The following LUC7L3 variants were observed in gnomAD, a reference collection of about 807,000 sequenced individuals.
LUC7L3 encodes the protein LUC7 like 3 pre-mRNA splicing factor.
In LUC7L3, 6 loss-of-function variants were observed where a neutral mutation model predicts 66.8. That is an observed-to-expected ratio of 0.09 (90% confidence interval 0.05 to 0.18). The LOEUF (loss-of-function observed/expected upper bound fraction) is 0.18. LUC7L3 is among the 10% of genes least tolerant of loss of function. The pLI, the probability that LUC7L3 is intolerant of heterozygous loss-of-function variation, is 1.00. For synonymous variants in LUC7L3, 160 were observed against 174.7 expected (o/e 0.92, Z 0.66); for missense variants, 341 against 531.1 (o/e 0.64, Z 3.52).
Position 50,752,470 on chromosome 17 carries a change from CAT to C in LUC7L3, c.*1810_*1811del. The C allele has an allele frequency of 5.4e-6, 1 of 185,496 alleles. No individual in the cohort carries two copies. Among genetic ancestry groups the C allele is most frequent in the Non-Finnish European group, 1.1e-5 (1 of 88,468 alleles). The allele number at this position is 185,496 out of a possible 1,614,324, so 11.5% of individuals were successfully genotyped here. On this transcript the variant is annotated 3_prime_UTR_variant, in exon 10 of 10. Coordinates refer to ENST00000505658, the MANE Select transcript of LUC7L3 (RefSeq NM_016424.5). The stretch of plus-strand genomic sequence containing the variant: ...GACTTTTTAAGAAATATTACTTAAA[CAT>C]GTGGCTTGCTCAGTGTTTAATTGCA...
rs184753806 is a variant in LUC7L3 at position 50,724,161 on chromosome 17, G to C, written c.99+4330G>C. The C allele has an allele frequency of 7.6e-4, 201 of 264,230 alleles. 2 individuals are homozygous for C. The highest frequency in any genetic ancestry group is 1.8e-4 in the Non-Finnish European group (23 of 129,470). 16.4% of individuals were successfully genotyped at this position (264,230 alleles called of 1,614,324 possible). ...TCCTCTGTATCCCTTCCATTATTTTGAAGCAATTCTGTTATTGTCAACCTT... is the reference window on the plus strand; with the variant it reads ...TCCTCTGTATCCCTTCCATTATTTTCAAGCAATTCTGTTATTGTCAACCTT... On this transcript the variant is annotated intron_variant, in intron 1 of 9. Transcript: ENST00000505658.
intron 9 of LUC7L3, chr17:50,749,119 C>T: frequency 1.1e-6 from 1 of 897,058 alleles, no homozygotes; most frequent in Non-Finnish European, 1.5e-6. Flanking sequence ...GTAAGGTGCT[C>T]TCTTTGTCAA....
Position 50,733,275 on chromosome 17 carries a change from G to T in LUC7L3, c.100-3685G>T, listed in dbSNP as rs992427148. Among the ~76,000 whole-genome samples, 107 of 148,416 alleles carry T rather than the reference G, an allele frequency of 7.2e-4. 1 individual carries two copies. Among genetic ancestry groups the T allele is most frequent in the African/African-American group, 2.4e-3 (94 of 39,672 alleles). On this transcript the variant is annotated intron_variant, in intron 1 of 9. Transcript: ENST00000505658. ...TTTTTTTTTTTTGAGACAGAGTCTC[G>T]CTCTATCACCCGGTGGTGCGATCTC... is the stretch of plus-strand genomic sequence containing the variant.
At chr17:50,738,875 C>A (rs1970165007) in intron 2 of LUC7L3, among the ~76,000 whole-genome samples, 1 of 151,998 alleles carries the variant, frequency 6.6e-6, no homozygotes, top group Admixed American at 6.6e-5. Context: ...TAGGCATACC[C>A]CTGTGAAATT....
intron 3 of LUC7L3, among the ~76,000 whole-genome samples, chr17:50,740,839 C>T (rs746658953): frequency 3.9e-5 from 6 of 152,122 alleles, no homozygotes; most frequent in Non-Finnish European, 5.9e-5. Context: ...GGATTACAGG[C>T]GTGAGCCACC....
In LUC7L3 at chr17:50,745,991, G is replaced by C; in HGVS notation, c.965G>C (p.Arg322Thr). 4 of 1,600,374 alleles carry C rather than the reference G, an allele frequency of 2.5e-6. No individual in the cohort carries two copies. The highest frequency in any genetic ancestry group is 3.4e-6 in the Non-Finnish European group (4 of 1,176,584). ...CACAAAAGGTCACGAAGTAGAGAAA[G>C]AAGGCGGAGCAGGTATATATAAAAC... is the stretch of plus-strand genomic sequence containing the variant. The part of the protein sequence containing the change: ...RDHKRSRSRE[R>T]RRSRSRDRRR... The change falls in exon 8 of 10, where the codon AGA becomes ACA. Residue 322 changes from arginine to threonine, a missense_variant. By Grantham distance (71) the Arg-to-Thr change is moderately conservative. Coordinates refer to ENST00000505658, the MANE Select transcript of LUC7L3 (RefSeq NM_016424.5).
In LUC7L3 at chr17:50,753,026, GT is replaced by G. The variant is rs1430842044; in HGVS notation, c.*2366del. On this transcript the variant is annotated 3_prime_UTR_variant, in exon 10 of 10. Coordinates refer to ENST00000505658, the MANE Select transcript of LUC7L3 (RefSeq NM_016424.5). ...GCATTCAAGAGCTAGTTTTTGTTAA[GT>G]CCTGTATCAAGATTAACCCAGCTGT... is the stretch of plus-strand genomic sequence containing the variant. The G allele has an allele frequency of 1.3e-5, 2 of 152,108 alleles. No individual in the cohort carries two copies. The highest frequency in any genetic ancestry group is 4.8e-5 in the African/African-American group (2 of 41,406). 9.4% of individuals were successfully genotyped at this position (152,108 alleles called of 1,614,324 possible). A position where few individuals can be genotyped will look rare whatever the true frequency, so the allele number is the denominator to read the frequency against.
At chr17:50,738,009 C>T in intron 2 of LUC7L3, 1 of 358,506 alleles carries the variant, frequency 2.8e-6, no homozygotes, top group Non-Finnish European at 5.4e-6. Flanking sequence ...CTTGAGATTT[C>T]AGACACAGCA....
intron 1 of LUC7L3, among the ~76,000 whole-genome samples, chr17:50,728,461 TAAA>T (rs61350072): frequency 6.6e-6 from 1 of 151,752 alleles, no homozygotes; most frequent in Non-Finnish European, 1.5e-5. Context: ...AACTCTTAGG[TAAA>T]AAAAAATATT....
chr17:50,748,554 G>A (rs1970817663), intron 9 of LUC7L3: 1 of 151,776 alleles, frequency 6.6e-6, no homozygotes, highest in African/African-American at 2.4e-5. Flanking sequence ...GATCTCCTGG[G>A]TTCAAGCAAT....
chr17:50,729,895 ATTATATATAT>A (rs1179733770), intron 1 of LUC7L3, among the ~76,000 whole-genome samples: 10 of 81,152 alleles, frequency 1.2e-4, no homozygotes, highest in Non-Finnish European at 2.5e-4. Flanking sequence ...ATATAAATAC[ATTATATATAT>A]ATATATATAT....
chr17:50,748,169 ATAAC>A (rs1305440716), intron 9 of LUC7L3, among the ~76,000 whole-genome samples: 1 of 152,244 alleles, frequency 6.6e-6, no homozygotes, highest in Non-Finnish European at 1.5e-5. Context: ...GCTAGCCTTC[ATAAC>A]TACTTGAAGT....
chr17:50,737,548 G>C (rs1002543020), intron 2 of LUC7L3: 3 of 232,492 alleles, frequency 1.3e-5, no homozygotes, highest in African/African-American at 7.0e-5. Context: ...TCTAGTTCAG[G>C]GTTTCTCAAC....
intron 1 of LUC7L3, among the ~76,000 whole-genome samples, chr17:50,724,794 C>T (rs1350681776): frequency 1.5e-5 from 2 of 136,632 alleles, no homozygotes; most frequent in Admixed American, 7.9e-5. Context: ...TGGAGTCTTG[C>T]TCTGTTGCCC....
intron 7 of LUC7L3, among the ~76,000 whole-genome samples, chr17:50,745,267 T>C (rs1454087059): frequency 6.6e-6 from 1 of 152,120 alleles, no homozygotes; most frequent in Non-Finnish European, 1.5e-5. Context: ...GCTGAGCCAC[T>C]GCGCTCGGCC....
At chr17:50,730,721 A>G (rs1277674639) in intron 1 of LUC7L3, among the ~76,000 whole-genome samples, 3 of 152,016 alleles carry the variant, frequency 2.0e-5, no homozygotes, top group African/African-American at 2.4e-5. Flanking sequence ...TGGGCGGATC[A>G]TTTGAGGTCA....
chr17:50,725,370 A>G (rs1049520211), intron 1 of LUC7L3, among the ~76,000 whole-genome samples: 4 of 152,174 alleles, frequency 2.6e-5, no homozygotes, highest in African/African-American at 4.8e-5. Flanking sequence ...AGATCACGCC[A>G]CTGCATTCCA....
At chr17:50,729,964 G>A (rs1969477018) in intron 1 of LUC7L3, among the ~76,000 whole-genome samples, 2 of 132,160 alleles carry the variant, frequency 1.5e-5, no homozygotes, top group South Asian at 4.7e-4. Flanking sequence ...TTTGGGGGTG[G>A]GGAGGTGGGG....
chr17:50,723,285 A>C (rs144709941), intron 1 of LUC7L3: 1 of 152,322 alleles, frequency 6.6e-6, no homozygotes, highest in East Asian at 1.9e-4. Context: ...ACTCAAGCCT[A>C]CCCTTCCTTC....
Sources: gnomAD v4.1 joint callset for allele counts (sites outside exome capture counted in the v4.1 genomes callset) on GRCh38, gnomAD v4.1.1 for gene constraint, MANE v1.5 for transcripts, NCBI Gene and HGNC (gene_info 2026-07-23, HGNC 2026-07-21) for gene names.